The following ATP8B4 variants were observed in gnomAD, a reference collection of about 807,000 sequenced individuals.
The protein encoded by ATP8B4 is ATPase phospholipid transporting 8B4 (putative).
In ATP8B4, 133 loss-of-function variants were observed where a neutral mutation model predicts 145.6. The observed-to-expected ratio is 0.91, with a 90% CI of 0.79 to 1.05. The LOEUF is 1.05. Among genes scored for constraint, ATP8B4 ranks in the 50% least tolerant of loss-of-function variants. The pLI is 0.00. For missense variants in ATP8B4, 1,458 were observed against 1,425.2 expected (o/e 1.02, Z -0.37); for synonymous variants, 507 against 492.9 (o/e 1.03, Z -0.38).
chr15:50,027,400 T>A (rs11853538), intron 6 of ATP8B4, among the ~76,000 whole-genome samples: 3,975 of 152,124 alleles, frequency 0.026, 72 homozygotes, highest in Non-Finnish European at 0.041. Context: ...GATGGATGGA[T>A]GGATGGATGG....
At chr15:49,864,780 A>G (rs967530949) in intron 26 of ATP8B4, among the ~76,000 whole-genome samples, 31 of 152,208 alleles carry the variant, frequency 2.0e-4, no homozygotes, top group Admixed American at 6.5e-5. Flanking sequence ...CATGGTTAAC[A>G]TTTAAAAAGT....
intron 1 of ATP8B4, among the ~76,000 whole-genome samples, chr15:50,115,006 A>T (rs2057121455): frequency 6.6e-6 from 1 of 152,202 alleles, no homozygotes. Flanking sequence ...GGGGAAGATG[A>T]GAGCAGACAG....
intron 9 of ATP8B4, among the ~76,000 whole-genome samples, chr15:49,989,469 C>T (rs181303844): frequency 1.3e-5 from 2 of 152,182 alleles, no homozygotes; most frequent in Admixed American, 1.3e-4. Flanking sequence ...GATATGCAGT[C>T]CCTGCCAAAA....
intron 14 of ATP8B4, among the ~76,000 whole-genome samples, chr15:49,939,971 C>G (rs376907304): frequency 6.6e-6 from 1 of 152,256 alleles, no homozygotes; most frequent in East Asian, 1.9e-4. Flanking sequence ...AGTTCAGCCA[C>G]TGTGGAAAGC....
chr15:49,987,302 G>A (rs538410444), intron 10 of ATP8B4, 89 bp downstream of exon 10: 59 of 1,436,082 alleles, frequency 4.1e-5, no homozygotes, highest in South Asian at 1.5e-4. Context: ...AAAGCACTGC[G>A]CTCATCAGAA....
intron 2 of ATP8B4, among the ~76,000 whole-genome samples, chr15:50,091,200 A>G (rs1322936290): frequency 6.6e-6 from 1 of 152,128 alleles, no homozygotes; most frequent in African/African-American, 2.4e-5. Context: ...ATTAGATGAG[A>G]ACTAGGTCCC....
intron 6 of ATP8B4, among the ~76,000 whole-genome samples, chr15:50,015,537 A>G (rs1365173728): frequency 6.6e-6 from 1 of 152,194 alleles, no homozygotes; most frequent in Non-Finnish European, 1.5e-5. Context: ...TATATAGAAA[A>G]AGATTGGACC....
chr15:50,091,696 T>G (rs997778057), intron 2 of ATP8B4, among the ~76,000 whole-genome samples: 15 of 152,184 alleles, frequency 9.9e-5, no homozygotes, highest in Admixed American at 2.6e-4. Context: ...ATTTTCTTAT[T>G]CAACTTAACA....
chr15:50,078,153 A>G lies in ATP8B4; in HGVS notation c.29-3968T>C, dbSNP rs559218129. ...ATTAGTGCCTTGAATATATATACATAGATATATAGGTTTTTTAGAGATGCT... is the reference window on the plus strand; with the variant it reads ...ATTAGTGCCTTGAATATATATACATGGATATATAGGTTTTTTAGAGATGCT... On this transcript the variant is annotated intron_variant, in intron 2 of 27. Coordinates refer to ENST00000284509, the MANE Select transcript of ATP8B4 (RefSeq NM_024837.4). Among the ~76,000 whole-genome samples the G allele has an allele frequency of 2.6e-5, 4 of 152,034 alleles. No homozygotes were observed. The South Asian group carries it at 8.3e-4, about 32-fold the overall frequency.
chr15:50,061,396 A>T (rs2053009200), intron 3 of ATP8B4, among the ~76,000 whole-genome samples: 1 of 152,190 alleles, frequency 6.6e-6, no homozygotes, highest in African/African-American at 2.4e-5. Context: ...AAAAATGTAC[A>T]TCCCAAAGTA....
intron 3 of ATP8B4, among the ~76,000 whole-genome samples, chr15:50,072,980 CTATATATATATATATATA>C (rs374525582): frequency 9.6e-4 from 22 of 22,886 alleles, no homozygotes; most frequent in East Asian, 2.3e-3. Flanking sequence ...CTCTCTCTCT[CTATATATATATATATATA>C]TATATATATA....
At chr15:50,137,317 G>T (rs2044136168) in intron 1 of ATP8B4, among the ~76,000 whole-genome samples, 1 of 152,206 alleles carries the variant, frequency 6.6e-6, no homozygotes, top group Non-Finnish European at 1.5e-5. Flanking sequence ...TGTTTTGAGA[G>T]AAGCTGTCTA....
chr15:49,955,545 T>A (rs2153500361), intron 14 of ATP8B4, among the ~76,000 whole-genome samples: 1 of 152,290 alleles, frequency 6.6e-6, no homozygotes, highest in Middle Eastern at 3.4e-3. Flanking sequence ...AGAATGGAAA[T>A]CAGGATCTTG....
chr15:49,864,054 A>G (rs1016114485), intron 26 of ATP8B4, among the ~76,000 whole-genome samples: 1 of 152,194 alleles, frequency 6.6e-6, no homozygotes, highest in Admixed American at 6.5e-5. Context: ...TAAAAAAATA[A>G]AACAAAAATA....
At chr15:49,994,048 C>T (rs2047233079) in intron 9 of ATP8B4, among the ~76,000 whole-genome samples, 1 of 152,062 alleles carries the variant, frequency 6.6e-6, no homozygotes, top group African/African-American at 2.4e-5. Context: ...TATATATAAG[C>T]AAGTCCTTTA....
At chr15:50,049,146 A>G (rs145053423) in intron 3 of ATP8B4, among the ~76,000 whole-genome samples, 15 of 152,330 alleles carry the variant, frequency 9.8e-5, no homozygotes, top group African/African-American at 3.4e-4. Context: ...TAAGCTCTTT[A>G]CAATATATTT....
intron 14 of ATP8B4, among the ~76,000 whole-genome samples, chr15:49,947,775 A>C (rs1422564147): frequency 6.6e-6 from 1 of 152,164 alleles, no homozygotes; most frequent in Non-Finnish European, 1.5e-5. Context: ...CAGTAAAGAC[A>C]GACACAGACC....
intron 20 of ATP8B4, among the ~76,000 whole-genome samples, chr15:49,915,752 A>G (rs2039670950): frequency 6.6e-6 from 1 of 152,032 alleles, no homozygotes. Flanking sequence ...TATTAGTAGT[A>G]GCTAATTAAA....
intron 1 of ATP8B4, among the ~76,000 whole-genome samples, chr15:50,129,318 G>C (rs888742278): frequency 6.6e-6 from 1 of 152,140 alleles, no homozygotes; most frequent in African/African-American, 2.4e-5. Context: ...AGTTCTAGAG[G>C]CTGGAAGACC....
Sources: allele counts gnomAD v4.1 joint callset (sites outside exome capture counted in the v4.1 genomes callset), GRCh38; gene constraint gnomAD v4.1.1; transcripts MANE v1.5; gene names NCBI Gene and HGNC (gene_info 2026-07-23, HGNC 2026-07-21).